Variants in PXDNL observed in about 807,000 individuals in gnomAD.
PXDNL encodes peroxidasin like.
In PXDNL, 145 loss-of-function variants were observed where a neutral mutation model predicts 150.8. That is an observed-to-expected ratio of 0.96 (90% CI 0.84 to 1.10). The LOEUF (loss-of-function observed/expected upper bound fraction) is 1.10. Ranked by LOEUF, PXDNL falls within the 50% of genes least tolerant of loss-of-function variation. The probability of loss-of-function intolerance (pLI) is 0.00; values close to 1 mark genes in which losing one functional copy is unlikely to be tolerated. For missense variants in PXDNL, 2,087 were observed against 1,873.9 expected, an observed-to-expected ratio of 1.11 and a Z score of -2.10; for synonymous variants, 757 against 725.7, an observed-to-expected ratio of 1.04 and a Z score of -0.69.
chr8:51,449,401 T>G (rs566865437), intron 10 of PXDNL, among the ~76,000 whole-genome samples: 8 of 152,338 alleles, frequency 5.3e-5, no homozygotes, highest in Non-Finnish European at 8.8e-5. Context: ...TTGAATCATA[T>G]TGGTTATCAT....
intron 1 of PXDNL, among the ~76,000 whole-genome samples, chr8:51,708,941 G>C (rs970042140): frequency 6.6e-6 from 1 of 152,012 alleles, no homozygotes; most frequent in African/African-American, 2.4e-5. Flanking sequence ...TAATTAGGGA[G>C]GGGGGCAATA....
At chr8:51,586,219 A>G (rs1279440364) in intron 3 of PXDNL, among the ~76,000 whole-genome samples, 1 of 152,214 alleles carries the variant, frequency 6.6e-6, no homozygotes, top group East Asian at 1.9e-4. Context: ...TGCTAGGGAT[A>G]AGATCATTGT....
chr8:51,374,530 A>C, intron 18 of PXDNL, 67 bp downstream of exon 18: 1 of 1,491,056 alleles, frequency 6.7e-7, no homozygotes, highest in Non-Finnish European at 9.3e-7. Flanking sequence ...CACAATGTTA[A>C]ACATATACAT....
chr8:51,417,326 T>C (rs2129678717), intron 14 of PXDNL, among the ~76,000 whole-genome samples: 1 of 152,344 alleles, frequency 6.6e-6, no homozygotes, highest in Non-Finnish European at 1.5e-5. Context: ...TTGATGCACA[T>C]CTATTTGCAA....
At chr8:51,532,334 T>C (rs1811924019) in intron 4 of PXDNL, among the ~76,000 whole-genome samples, 1 of 152,234 alleles carries the variant, frequency 6.6e-6, no homozygotes, top group East Asian at 1.9e-4. Flanking sequence ...AGTTTGCATT[T>C]GGCAGTACCG....
rs1813669578 is a variant in PXDNL, at chr8:51,600,231, T to A, written c.237-7533A>T. Among the ~76,000 whole-genome samples the A allele has an allele frequency of 2.2e-5, 3 of 138,136 alleles. No individual in the cohort carries two copies. The South Asian group carries it at 7.1e-4, about 33-fold the overall frequency. The allele number at this position is 138,136 out of a possible 152,430, so 90.6% of individuals were successfully genotyped here. A position where few individuals can be genotyped will look rare whatever the true frequency, so the allele number is the denominator to read the frequency against. On this transcript the variant is annotated intron_variant, in intron 2 of 22. Coordinates refer to ENST00000356297, the MANE Select transcript of PXDNL (RefSeq NM_144651.5). ...TAAATTATATCTCATATAAATTATA[T>A]CGTTTAGATAATAAATTATATCTCA... is the stretch of plus-strand genomic sequence containing the variant.
rs550341972 is a variant in PXDNL at position 51,377,842 on chromosome 8, G to A, written c.3558-3111C>T. ...CGCAGCCCCAGCCTCCCGGAGGAGCGCCACTGCCTGCTCCTGCTCCACAGC... is the reference window on the plus strand; with the variant it reads ...CGCAGCCCCAGCCTCCCGGAGGAGCACCACTGCCTGCTCCTGCTCCACAGC... On this transcript the variant is annotated intron_variant, in intron 17 of 22. Coordinates refer to ENST00000356297, the MANE Select transcript of PXDNL (RefSeq NM_144651.5). Among the ~76,000 whole-genome samples the A allele has an allele frequency of 1.3e-4, 20 of 152,272 alleles. 1 individual carries two copies. In the East Asian group the frequency reaches 1.9e-3, roughly 15 times the overall value.
At chr8:51,358,697 G>A (rs746522546) in intron 19 of PXDNL, among the ~76,000 whole-genome samples, 6 of 152,124 alleles carry the variant, frequency 3.9e-5, no homozygotes, top group Non-Finnish European at 8.8e-5. Context: ...GAGCTCACAG[G>A]GATTTGGGAG....
intron 4 of PXDNL, among the ~76,000 whole-genome samples, chr8:51,553,394 C>T (rs1191896090): frequency 6.6e-6 from 1 of 152,180 alleles, no homozygotes; most frequent in Non-Finnish European, 1.5e-5. Context: ...CTCAGGCTGT[C>T]CAAAACATCC....
At chr8:51,488,696 C>A (rs533274053) in intron 5 of PXDNL, among the ~76,000 whole-genome samples, 11 of 152,094 alleles carry the variant, frequency 7.2e-5, no homozygotes, top group African/African-American at 2.4e-4. Flanking sequence ...AGAAAATAAA[C>A]TTATCTAAAG....
intron 4 of PXDNL, among the ~76,000 whole-genome samples, chr8:51,529,738 G>A (rs1811851184): frequency 6.6e-6 from 1 of 152,054 alleles, no homozygotes; most frequent in Non-Finnish European, 1.5e-5. Flanking sequence ...ACATCTGATA[G>A]CCACCTGCAG....
chr8:51,411,885 T>C (rs1033861425), intron 15 of PXDNL, among the ~76,000 whole-genome samples: 2 of 152,202 alleles, frequency 1.3e-5, no homozygotes, highest in African/African-American at 4.8e-5. Context: ...CTGAGAGCTC[T>C]GACAAGCTAT....
At chr8:51,578,961 G>C (rs1271133037) in intron 3 of PXDNL, among the ~76,000 whole-genome samples, 1 of 151,970 alleles carries the variant, frequency 6.6e-6, no homozygotes, top group Non-Finnish European at 1.5e-5. Context: ...CTAACTCTAT[G>C]TGGGTTGCAG....
intron 1 of PXDNL, among the ~76,000 whole-genome samples, chr8:51,777,258 T>C (rs1395331364): frequency 5.3e-5 from 8 of 152,210 alleles, no homozygotes; most frequent in Non-Finnish European, 1.2e-4. Flanking sequence ...CCTCTAAGCC[T>C]GCTTCCACAT....
At position 51,423,576 on chromosome 8, in the gene PXDNL, C is replaced by T. The variant is rs530811126; in HGVS notation, c.1794G>A (p.Thr598=). ...LAVTNMFLTV[T]AIQGRQAGDD... is the part of the protein sequence containing the mutation. ...GTAAATGGAGCTATAGACACCTACCCGTGACTGTAAGAAACATGTTGGTCA... is the reference window on the plus strand; with the variant it reads ...GTAAATGGAGCTATAGACACCTACCTGTGACTGTAAGAAACATGTTGGTCA... Residue 598 remains threonine, a splice_region_variant and synonymous_variant, in exon 14 of 23, where the codon ACG becomes ACA. Coordinates refer to ENST00000356297, the MANE Select transcript of PXDNL (RefSeq NM_144651.5). The T allele has an allele frequency of 5.0e-6, 8 of 1,613,012 alleles. No individual in the cohort carries two copies. Among genetic ancestry groups the T allele is most frequent in the South Asian group, 4.4e-5 (4 of 90,970 alleles).
intron 8 of PXDNL, among the ~76,000 whole-genome samples, chr8:51,464,277 T>G (rs1810153765): frequency 9.7e-6 from 1 of 102,818 alleles, no homozygotes; most frequent in South Asian, 3.3e-4. Context: ...GGTGGAATGA[T>G]TGTTTGAGCC....
chr8:51,585,493 G>A (rs1358265193), intron 3 of PXDNL, among the ~76,000 whole-genome samples: 1 of 152,080 alleles, frequency 6.6e-6, no homozygotes, highest in Non-Finnish European at 1.5e-5. Flanking sequence ...TAGAGGGTGA[G>A]CAGTCAATGG....
chr8:51,769,058 C>T (rs1435769491), intron 1 of PXDNL, among the ~76,000 whole-genome samples: 1 of 152,230 alleles, frequency 6.6e-6, no homozygotes, highest in African/African-American at 2.4e-5. Flanking sequence ...GCTGAGTTTG[C>T]TCCACTGCAC....
chr8:51,366,240 C>T (rs1403037328), intron 19 of PXDNL, among the ~76,000 whole-genome samples: 1 of 152,214 alleles, frequency 6.6e-6, no homozygotes, highest in Non-Finnish European at 1.5e-5. Flanking sequence ...AGACTGTAAT[C>T]AACTCCTGTG....
Sources: allele counts gnomAD v4.1 joint callset (sites outside exome capture counted in the v4.1 genomes callset), GRCh38; gene constraint gnomAD v4.1.1; transcripts MANE v1.5; gene names NCBI Gene and HGNC (gene_info 2026-07-23, HGNC 2026-07-21).